KCNJ10: variants seen among roughly 807,000 people sequenced by gnomAD.
KCNJ10 encodes the protein ATP-sensitive inward rectifier potassium channel 10.
A neutral mutation model predicts 22.2 loss-of-function variants in KCNJ10; 9 were observed. That is an observed-to-expected ratio of 0.40 (90% CI 0.24 to 0.71). The LOEUF is 0.71. Among genes scored for constraint, KCNJ10 ranks in the 30% least tolerant of loss-of-function variants. KCNJ10 has a pLI of 0.35. For missense variants in KCNJ10, 337 were observed against 482.7 expected (o/e 0.70, Z 2.83); for synonymous variants, 184 against 187.3 (o/e 0.98, Z 0.15).
chr1:160,059,272 T>C (rs1001982758), intron 1 of KCNJ10, among the ~76,000 whole-genome samples: 2 of 152,192 alleles, frequency 1.3e-5, no homozygotes, highest in African/African-American at 4.8e-5. Flanking sequence ...TGGGAAGTCC[T>C]CTATGGTCAT....
rs767462808 is a variant in KCNJ10 at position 160,041,429 on chromosome 1, C to G, written c.1104G>C (p.Glu368Asp). 1.2e-6 allele frequency: 2 copies of G among 1,613,816 alleles called. No individual in the cohort carries two copies. The highest frequency in any genetic ancestry group is 1.7e-5 in the Admixed American group (1 of 60,012). The stretch of plus-strand genomic sequence containing the variant: ...TGATGCGCACACTAAGGGCACTGCC[C>G]TCCTTCTCAGCTTGCTCCCTTAATG... ...EESLREQAEK[E>D]GSALSVRISN... The change falls in exon 2 of 2, where the codon GAG becomes GAC. Residue 368 changes from glutamate (E) to aspartate (D), a missense_variant. Glu to Asp is a conservative substitution (Grantham distance 45). Around this residue, in one of 3 missense-constraint regions of KCNJ10, gnomAD observed 65 missense variants for 66.0 expected, o/e 0.98. Transcript: ENST00000644903. This position sits in a 1 kb window ranked among gnomAD's most constrained non-coding sequence, Gnocchi z 4.4.
Position 160,041,699 on chromosome 1 carries a change from C to A in KCNJ10, c.834G>T (p.Glu278Asp). The change falls in exon 2 of 2, where the codon GAG (glutamate) becomes GAT (aspartate). Residue 278 changes from glutamate (E) to aspartate (D), a missense_variant. Physicochemically the swap from Glu to Asp is conservative, Grantham distance 45. Coordinates refer to ENST00000644903, the MANE Select transcript of KCNJ10 (RefSeq NM_002241.5). The surrounding 1 kb of genome is among the most constrained non-coding windows in gnomAD (Gnocchi z 4.4). ...CTGTCCCACTTAGGATCAGCACCAG[C>A]TCAAAGTCACCCTCACCACTGCGAA... ...LPLRSGEGDF[E>D]LVLILSGTVE... The A allele has an allele frequency of 6.2e-7, 1 of 1,614,196 alleles. No homozygotes were observed. The highest frequency in any genetic ancestry group is 8.5e-7 in the Non-Finnish European group (1 of 1,180,034).
chr1:160,057,060 A>C (rs1268211105), intron 1 of KCNJ10, among the ~76,000 whole-genome samples: 1 of 152,210 alleles, frequency 6.6e-6, no homozygotes, highest in African/African-American at 2.4e-5. Flanking sequence ...AACTTCAGTC[A>C]ATCTCTTAAT....
chr1:160,043,229 A>G (rs1648652931), intron 1 of KCNJ10, among the ~76,000 whole-genome samples: 1 of 150,794 alleles, frequency 6.6e-6, no homozygotes, highest in South Asian at 2.1e-4. Flanking sequence ...ATGAAGCAAG[A>G]CAAGCTATCC....
chr1:160,040,611 A>T lies in KCNJ10; in HGVS notation c.*782T>A, dbSNP rs1648578078. 2.5e-5 allele frequency: 10 copies of T among 398,754 alleles called. No individual in the cohort carries two copies. In the East Asian group the frequency reaches 3.6e-4, roughly 14 times the overall value. The allele number at this position is 398,754 out of a possible 1,614,324, so 24.7% of individuals were successfully genotyped here. ...ATCTTCTCTGGGCTGCCTGGAAGAT[A>T]GGTTTAAAGGTTTAGATAACAACTT... On this transcript the variant is annotated 3_prime_UTR_variant, in exon 2 of 2. Transcript: ENST00000644903.
At chr1:160,054,084 G>A (rs1648968464) in intron 1 of KCNJ10, among the ~76,000 whole-genome samples, 1 of 152,162 alleles carries the variant, frequency 6.6e-6, no homozygotes, top group Non-Finnish European at 1.5e-5. Context: ...GGCATCTTGG[G>A]GACCCCCTGT....
At chr1:160,050,620 C>T (rs1648879656) in intron 1 of KCNJ10, among the ~76,000 whole-genome samples, 1 of 152,034 alleles carries the variant, frequency 6.6e-6, no homozygotes, top group South Asian at 2.1e-4. Flanking sequence ...ACAAGAAGAG[C>T]TTGTGAAGGG....
chr1:160,064,975 T>C (rs965873934), intron 1 of KCNJ10: 5 of 152,200 alleles, frequency 3.3e-5, no homozygotes, highest in African/African-American at 1.2e-4. Flanking sequence ...TCCCCCTTTT[T>C]CATTCCAGAC....
intron 1 of KCNJ10, among the ~76,000 whole-genome samples, chr1:160,047,344 C>T (rs542638791): frequency 6.6e-6 from 1 of 152,266 alleles, no homozygotes; most frequent in East Asian, 1.9e-4. Context: ...TCAACCTCCT[C>T]CCAGGGACAG....
At chr1:160,062,769 C>A in intron 1 of KCNJ10, 1 of 152,286 alleles carries the variant, frequency 6.6e-6, no homozygotes, top group Non-Finnish European at 1.5e-5. Flanking sequence ...ATTTTGTGGG[C>A]AGGAGAAGAA....
intron 1 of KCNJ10, among the ~76,000 whole-genome samples, chr1:160,045,385 C>A (rs1245645622): frequency 6.6e-6 from 1 of 152,126 alleles, no homozygotes. Context: ...AGAGCTGGGG[C>A]AGAATTAGGA....
intron 1 of KCNJ10, among the ~76,000 whole-genome samples, chr1:160,060,467 G>A (rs1026624475): frequency 6.6e-6 from 1 of 152,138 alleles, no homozygotes; most frequent in East Asian, 1.9e-4. Context: ...TAGCCAGAGG[G>A]GAAGCATTTT....
chr1:160,064,019 T>C (rs1350237594), intron 1 of KCNJ10, among the ~76,000 whole-genome samples: 1 of 152,132 alleles, frequency 6.6e-6, no homozygotes, highest in Non-Finnish European at 1.5e-5. Flanking sequence ...AGCTAGTGAG[T>C]AGTAGAACAG....
At chr1:160,055,923 G>C (rs542634362) in intron 1 of KCNJ10, among the ~76,000 whole-genome samples, 8 of 152,216 alleles carry the variant, frequency 5.3e-5, no homozygotes, top group Non-Finnish European at 8.8e-5. Context: ...GTACTTACAG[G>C]CTCCCGCTAC....
intron 1 of KCNJ10, among the ~76,000 whole-genome samples, chr1:160,046,280 G>T (rs1337277031): frequency 6.6e-6 from 1 of 152,134 alleles, no homozygotes; most frequent in Non-Finnish European, 1.5e-5. Context: ...TATATAGTTT[G>T]ATCCTCACAC....
At chr1:160,050,109 T>C (rs867247530) in intron 1 of KCNJ10, among the ~76,000 whole-genome samples, 3 of 152,172 alleles carry the variant, frequency 2.0e-5, no homozygotes, top group South Asian at 2.1e-4. Context: ...GTATGAGCTG[T>C]GTTTTTGTTC....
At chr1:160,049,559 A>C (rs1022229216) in intron 1 of KCNJ10, among the ~76,000 whole-genome samples, 20 of 150,842 alleles carry the variant, frequency 1.3e-4, no homozygotes, top group African/African-American at 4.6e-4. Flanking sequence ...GAGTTTCCAT[A>C]TATGTATATC....
chr1:160,069,766 AG>A (rs1649408182), intron 1 of KCNJ10, among the ~76,000 whole-genome samples: 1 of 152,082 alleles, frequency 6.6e-6, no homozygotes, highest in African/African-American at 2.4e-5. Flanking sequence ...GCCCAGTGGG[AG>A]GGGGCATCGG....
At chr1:160,053,950 C>T (rs1648964100) in intron 1 of KCNJ10, among the ~76,000 whole-genome samples, 1 of 152,122 alleles carries the variant, frequency 6.6e-6, no homozygotes, top group South Asian at 2.1e-4. Context: ...GGCCAGACAC[C>T]ACCCCTGCCT....
Sources: gnomAD v4.1 joint callset for allele counts (sites outside exome capture counted in the v4.1 genomes callset) on GRCh38, gnomAD v4.1.1 for gene constraint, gnomAD v4.1.1 regional missense constraint, Gnocchi (gnomAD v3.1) non-coding constraint, MANE v1.5 for transcripts, NCBI Gene and HGNC (gene_info 2026-07-23, HGNC 2026-07-21) for gene names.